The following ZSCAN32 variants were observed in gnomAD, a reference collection of about 807,000 sequenced individuals.
ZSCAN32 encodes zinc finger and SCAN domain-containing protein 32.
A neutral mutation model predicts 47.4 loss-of-function variants in ZSCAN32; 52 were observed. That is an observed-to-expected ratio of 1.10 (90% confidence interval 0.88 to 1.38). ZSCAN32 has a LOEUF of 1.38. ZSCAN32 is among the 40% of genes most tolerant of loss of function. ZSCAN32 has a pLI of 0.00. For missense variants in ZSCAN32, 959 were observed against 846.0 expected, an observed-to-expected ratio of 1.13 and a Z score of -1.66; for synonymous variants, 346 against 305.7, an observed-to-expected ratio of 1.13 and a Z score of -1.38.
chr16:3,385,004 G>T lies in ZSCAN32; in HGVS notation c.752-63C>A, dbSNP rs2031781930. 8 of 1,533,372 alleles carry T rather than the reference G, an allele frequency of 5.2e-6. No individual in the cohort carries two copies. The East Asian group carries it at 1.8e-4, about 35-fold the overall frequency. The allele number at this position is 1,533,372 out of a possible 1,614,324, so 95.0% of individuals were successfully genotyped here. A position where few individuals can be genotyped will look rare whatever the true frequency, so the allele number is the denominator to read the frequency against. ...TAGATCATGGAGGACTGTACATACTGCAGTGTGCAGTTTTGGCAGCTTAAA... is the reference window on the plus strand; with the variant it reads ...TAGATCATGGAGGACTGTACATACTTCAGTGTGCAGTTTTGGCAGCTTAAA... On this transcript the variant is annotated intron_variant, in intron 5 of 6. Transcript: ENST00000396852.
chr16:3,393,849 T>A, intron 2 of ZSCAN32, 35 bp from the exon 3 acceptor site: 1 of 1,502,926 alleles, frequency 6.7e-7, no homozygotes, highest in Non-Finnish European at 9.0e-7. Context: ...CACTACAAAT[T>A]CCTGCCTAAG....
rs759567094 is a variant in ZSCAN32, at chr16:3,397,296, T to C, written c.262A>G (p.Ile88Val). The change falls in exon 2 of 7, where the codon ATC (isoleucine) becomes GTC (valine). Residue 88 changes from isoleucine (I) to valine (V), a missense_variant. Physicochemically the swap from Ile to Val is conservative, Grantham distance 29. Transcript: ENST00000396852. ...CAGGTCTGGATCTCCTCTGGCAAGA[T>C]AGTCAGAAACTGCTCCAAAACCAGC... ...ELLVLEQFLT[I>V]LPEEIQTWVR... The C allele has an allele frequency of 3.8e-5, 60 of 1,572,300 alleles. No homozygotes were observed. The highest frequency in any genetic ancestry group is 4.1e-5 in the Non-Finnish European group (47 of 1,158,820).
intron 5 of ZSCAN32, among the ~76,000 whole-genome samples, chr16:3,389,685 G>C (rs1320532191): frequency 2.0e-5 from 3 of 152,302 alleles, no homozygotes; most frequent in Admixed American, 1.3e-4. Context: ...CGCACATTCA[G>C]CATGAACACA....
Position 3,384,886 on chromosome 16 carries a change from A to G in ZSCAN32, c.807T>C (p.Ser269=). Residue 269 remains serine, a synonymous_variant, in exon 6 of 7, where the codon AGT becomes AGC. Coordinates refer to ENST00000396852, the MANE Select transcript of ZSCAN32 (RefSeq NM_001284527.2). ...EETKTLLAIL[S]SSQFYGKLQT... is the part of the protein sequence containing the mutation. ...GGAGTTTTCCATAAAATTGAGAACT[A>G]CTAAGAATAGCCAGGAGCGTCTTGG... 2 of 1,614,198 alleles carry G rather than the reference A, an allele frequency of 1.2e-6. No individual in the cohort carries two copies. Among genetic ancestry groups the G allele is most frequent in the Admixed American group, 3.3e-5 (2 of 60,026 alleles).
chr16:3,397,834 C>CGGCGA, intron 1 of ZSCAN32, 90 bp from the exon 2 acceptor site: 3 of 279,524 alleles, frequency 1.1e-5, no homozygotes, highest in South Asian at 1.6e-4. Context: ...TTCCTTTACT[C>CGGCGA]CCTCCACAAA....
Position 3,393,524 on chromosome 16 carries a change from C to T in ZSCAN32, c.532+125G>A, listed in dbSNP as rs144895058. 586 of 967,238 alleles carry T rather than the reference C, an allele frequency of 6.1e-4. 2 individuals are homozygous for T. In the African/African-American group the frequency reaches 8.6e-3, roughly 14 times the overall value. The allele number at this position is 967,238 out of a possible 1,614,324, so 59.9% of individuals were successfully genotyped here. The stretch of plus-strand genomic sequence containing the variant: ...ACAGGCGTGAGCCAACACGCCCTGC[C>T]GGTTTTTGGATGTATTTCAAAGGCA... On this transcript the variant is annotated intron_variant, in intron 3 of 6. Transcript: ENST00000396852.
chr16:3,399,066 C>CA (rs2033641507), intron 1 of ZSCAN32, among the ~76,000 whole-genome samples: 1 of 151,954 alleles, frequency 6.6e-6, no homozygotes, highest in African/African-American at 2.4e-5. Context: ...ACTAAAAATA[C>CA]AAAAAAATTA....
At chr16:3,398,699 A>G (rs1019888456) in intron 1 of ZSCAN32, among the ~76,000 whole-genome samples, 7 of 152,052 alleles carry the variant, frequency 4.6e-5, no homozygotes, top group African/African-American at 1.7e-4. Context: ...TCACACACCT[A>G]GGTCTTTTTC....
chr16:3,383,543 G>C lies in ZSCAN32; in HGVS notation c.1403C>G (p.Ser468Cys). The change falls in exon 7 of 7, where the codon TCT becomes TGT. Residue 468 changes from serine to cysteine, a missense_variant. By Grantham distance (112) the Ser-to-Cys change is moderately radical (BLOSUM62 -1). Transcript: ENST00000396852. ...GGTTTTCTCCTCACTCTCCCCTGGAGAATTTCTACATTGCCTTCTTGATGT... is the reference window on the plus strand; with the variant it reads ...GGTTTTCTCCTCACTCTCCCCTGGACAATTTCTACATTGCCTTCTTGATGT... ...EPTSRRQCRN[S>C]PGESEEKTPS... 6.2e-7 allele frequency: 1 copy of C among 1,614,100 alleles called. No homozygotes were observed. The highest frequency in any genetic ancestry group is 1.1e-5 in the South Asian group (1 of 91,080).
Position 3,382,651 on chromosome 16 carries a change from G to A in ZSCAN32, c.*201C>T. On this transcript the variant is annotated 3_prime_UTR_variant, in exon 7 of 7. Transcript: ENST00000396852. ...TCTCTCCATCAAACTTTAAGTCACAGTAAGATAGGACTCTGGAGTCACAGG... is the reference window on the plus strand; with the variant it reads ...TCTCTCCATCAAACTTTAAGTCACAATAAGATAGGACTCTGGAGTCACAGG... 1 of 625,920 alleles carries A rather than the reference G, an allele frequency of 1.6e-6. No homozygotes were observed. The highest frequency in any genetic ancestry group is 2.4e-6 in the Non-Finnish European group (1 of 410,806). 38.8% of individuals were successfully genotyped at this position (625,920 alleles called of 1,614,324 possible).
chr16:3,382,747 C>T lies in ZSCAN32; in HGVS notation c.*105G>A, dbSNP rs956877199. 1.7e-5 allele frequency: 26 copies of T among 1,490,224 alleles called. No homozygotes were observed. Among genetic ancestry groups the T allele is most frequent in the Non-Finnish European group, 2.0e-5 (22 of 1,119,570 alleles). The allele number at this position is 1,490,224 out of a possible 1,614,324, so 92.3% of individuals were successfully genotyped here. A position where few individuals can be genotyped will look rare whatever the true frequency, so the allele number is the denominator to read the frequency against. ...GACATGGGTCTTAAGATCCAGTAGT[C>T]AGTAGGTCTGTTGCAAAGTCAGGGA... is the stretch of plus-strand genomic sequence containing the variant. On this transcript the variant is annotated 3_prime_UTR_variant, in exon 7 of 7. Transcript: ENST00000396852.
intron 4 of ZSCAN32, 60 bp from the exon 5 acceptor site, chr16:3,390,193 G>C: frequency 6.6e-7 from 1 of 1,514,242 alleles, no homozygotes; most frequent in Non-Finnish European, 8.9e-7. Flanking sequence ...CCTGGGGTGG[G>C]GGCAGAGACA....
intron 5 of ZSCAN32, among the ~76,000 whole-genome samples, chr16:3,386,928 G>C (rs1276033599): frequency 1.0e-5 from 1 of 96,386 alleles, no homozygotes; most frequent in Non-Finnish European, 2.0e-5. Context: ...GTACCTTAAA[G>C]CTTAAAGTAT....
chr16:3,393,905 TAAGG>T (rs2033114390), intron 2 of ZSCAN32, 91 bp from the exon 3 acceptor site: 2 of 1,203,682 alleles, frequency 1.7e-6, no homozygotes. Context: ...ATGTGTAACA[TAAGG>T]AAGCAGAAGA....
At position 3,389,994 on chromosome 16, in the gene ZSCAN32, G is replaced by A. The variant is rs2032478577; in HGVS notation, c.751+16C>T. ...GAACACATCCACCTTGACCTGGAGG[G>A]AAGATGGATCCTTACCCAGCGAGAC... On this transcript the variant is annotated intron_variant, in intron 5 of 6. Coordinates refer to ENST00000396852, the MANE Select transcript of ZSCAN32 (RefSeq NM_001284527.2). 6.2e-7 allele frequency: 1 copy of A among 1,600,504 alleles called. No individual in the cohort carries two copies. Among genetic ancestry groups the A allele is most frequent in the Non-Finnish European group, 8.5e-7 (1 of 1,172,960 alleles).
At position 3,383,065 on chromosome 16, in the gene ZSCAN32, G is replaced by A. The variant is rs371032031; in HGVS notation, c.1881C>T (p.His627=). The part of the protein sequence containing the change: ...SSQFSAHRRI[H]TGESPYKCAV... ...CACACTTGTATGGGCTCTCCCCAGT[G>A]TGGATGCGCCGGTGAGCACTGAACT... The change falls in exon 7 of 7, where the codon CAC becomes CAT. Residue 627 remains histidine, a synonymous_variant. Transcript: ENST00000396852. 136 of 1,614,096 alleles carry A rather than the reference G, an allele frequency of 8.4e-5. No homozygotes were observed. Among genetic ancestry groups the A allele is most frequent in the Non-Finnish European group, 1.1e-4 (132 of 1,180,038 alleles).
intron 5 of ZSCAN32, among the ~76,000 whole-genome samples, chr16:3,386,778 C>G (rs553032259): frequency 7.2e-5 from 11 of 152,024 alleles, no homozygotes; most frequent in African/African-American, 2.4e-4. Context: ...ACATCACACA[C>G]GGAGGCCTGT....
rs2031482155 is a variant in ZSCAN32 at position 3,383,306 on chromosome 16, T to A, written c.1640A>T (p.Lys547Met). ...CCCGCACTCACTGCACTTGTGAGGCTTCTCGCCTGTGTGGATTCTTTGATG... is the reference window on the plus strand; with the variant it reads ...CCCGCACTCACTGCACTTGTGAGGCATCTCGCCTGTGTGGATTCTTTGATG... ...VRHQRIHTGE[K>M]PHKCSECGKG... Residue 547 changes from lysine to methionine, a missense_variant, in exon 7 of 7, where the codon AAG becomes ATG. Transcript: ENST00000396852. 1 of 1,614,248 alleles carries A rather than the reference T, an allele frequency of 6.2e-7. No homozygotes were observed. The highest frequency in any genetic ancestry group is 8.5e-7 in the Non-Finnish European group (1 of 1,180,036).
chr16:3,384,950 C>G lies in ZSCAN32; in HGVS notation c.752-9G>C, dbSNP rs376425332. On this transcript the variant is annotated splice_polypyrimidine_tract_variant and intron_variant, in intron 5 of 6. Coordinates refer to ENST00000396852, the MANE Select transcript of ZSCAN32 (RefSeq NM_001284527.2). ...CCAGGGCACACCTGTTGCTGGGGGA[C>G]AAAGAATAGGTCAATTAGATCTGTC... 13 of 1,607,202 alleles carry G rather than the reference C, an allele frequency of 8.1e-6. No individual in the cohort carries two copies. The African/African-American group carries it at 1.7e-4, about 22-fold the overall frequency.
Sources: gnomAD v4.1 joint callset for allele counts (sites outside exome capture counted in the v4.1 genomes callset) on GRCh38, gnomAD v4.1.1 for gene constraint, MANE v1.5 for transcripts, NCBI Gene and HGNC (gene_info 2026-07-23, HGNC 2026-07-21) for gene names.